FHIT: variants seen among roughly 807,000 people sequenced by gnomAD.
FHIT encodes the protein bis(5'-adenosyl)-triphosphatase.
Under a neutral mutation model 17.9 loss-of-function variants are expected in FHIT, and 19 were observed. The ratio of observed to expected loss-of-function variants is 1.06; its 90% confidence interval spans 0.74 to 1.56. The LOEUF is 1.56. Among genes scored for constraint, FHIT ranks in the 40% most tolerant of loss-of-function variants. The pLI, the probability that FHIT is intolerant of heterozygous loss-of-function variation, is 0.00. For synonymous variants in FHIT, 81 were observed against 69.7 expected, an observed-to-expected ratio of 1.16 and a Z score of -0.81; for missense variants, 248 against 189.2, an observed-to-expected ratio of 1.31 and a Z score of -1.82.
intron 8 of FHIT, among the ~76,000 whole-genome samples, chr3:59,916,318 G>A (rs189644514): frequency 1.3e-5 from 2 of 152,118 alleles, no homozygotes; most frequent in South Asian, 2.1e-4. Flanking sequence ...AGGGGCTCTC[G>A]GGCCTTCAGC....
chr3:60,827,474 A>G (rs536266227), intron 3 of FHIT, among the ~76,000 whole-genome samples: 68 of 152,238 alleles, frequency 4.5e-4, no homozygotes, highest in Non-Finnish European at 8.1e-4. Context: ...GAAAAGGAAT[A>G]TTATGAATAA....
rs538310983 is a variant in FHIT at position 60,373,133 on chromosome 3, C to G, written c.103+163727G>C. Among the ~76,000 whole-genome samples the G allele has an allele frequency of 1.6e-4, 25 of 152,290 alleles. No homozygotes were observed. In the South Asian group the frequency reaches 2.9e-3, roughly 18 times the overall value. On this transcript the variant is annotated intron_variant, in intron 5 of 9. Transcript: ENST00000492590. ...CACTGAGACCCTACCTTGCCTTCAA[C>G]AGCCTCTAGTTTAGCAGAGAAGGCA...
intron 5 of FHIT, among the ~76,000 whole-genome samples, chr3:60,029,031 T>C (rs545260544): frequency 6.6e-6 from 1 of 152,302 alleles, no homozygotes; most frequent in Admixed American, 6.5e-5. Flanking sequence ...TTCAAGAGAC[T>C]CTCAATAAGT....
intron 5 of FHIT, among the ~76,000 whole-genome samples, chr3:60,483,172 T>C (rs1442649408): frequency 1.3e-5 from 2 of 152,120 alleles, no homozygotes; most frequent in Non-Finnish European, 2.9e-5. Context: ...AGTTCTGAAA[T>C]TGAGGCAGTA....
intron 4 of FHIT, among the ~76,000 whole-genome samples, chr3:60,711,587 G>C (rs1275300728): frequency 1.3e-5 from 2 of 152,218 alleles, no homozygotes; most frequent in African/African-American, 4.8e-5. Flanking sequence ...TAAAGGAGCT[G>C]ATGGAGTTCA....
At chr3:60,157,771 A>T (rs994796560) in intron 5 of FHIT, among the ~76,000 whole-genome samples, 2 of 152,196 alleles carry the variant, frequency 1.3e-5, no homozygotes, top group African/African-American at 2.4e-5. Context: ...GGATGTTTGC[A>T]GCCACAGGAA....
intron 5 of FHIT, among the ~76,000 whole-genome samples, chr3:60,458,094 A>G (rs1185503586): frequency 2.0e-5 from 3 of 152,184 alleles, no homozygotes; most frequent in Non-Finnish European, 4.4e-5. Flanking sequence ...TATATACCCA[A>G]AGGATTATAA....
intron 5 of FHIT, among the ~76,000 whole-genome samples, chr3:60,197,303 TA>T (rs1007943221): frequency 8.4e-4 from 127 of 150,728 alleles, no homozygotes; most frequent in Non-Finnish European, 6.5e-4. Flanking sequence ...TTCATAGCAT[TA>T]AAAAAAAAGA....
rs148921317 is a variant in FHIT at position 61,013,684 on chromosome 3, G to A, written c.-111+28363C>T. On this transcript the variant is annotated intron_variant, in intron 3 of 9. Transcript: ENST00000492590. The stretch of plus-strand genomic sequence containing the variant: ...CCATCATGATATCAGAGAAGGAGGT[G>A]GATAATTTAAAGCAGCAAGGCCCTT... 1.6e-3 allele frequency among the ~76,000 whole-genome samples: 242 copies of A among 151,998 alleles called. 3 individuals carry two copies. The highest frequency in any genetic ancestry group is 5.4e-3 in the African/African-American group (223 of 41,494).
intron 2 of FHIT, among the ~76,000 whole-genome samples, chr3:61,190,793 A>G (rs1428290672): frequency 6.6e-6 from 1 of 152,164 alleles, no homozygotes; most frequent in African/African-American, 2.4e-5. Context: ...GACATGGATG[A>G]AGCTGGAAAC....
chr3:60,017,841 C>A (rs1187284689), intron 5 of FHIT, among the ~76,000 whole-genome samples: 3 of 152,192 alleles, frequency 2.0e-5, no homozygotes, highest in Non-Finnish European at 2.9e-5. Flanking sequence ...TCGCATTAGT[C>A]AGGTGCCTAG....
At chr3:59,847,067 G>A (rs1701749256) in intron 8 of FHIT, among the ~76,000 whole-genome samples, 1 of 152,024 alleles carries the variant, frequency 6.6e-6, no homozygotes, top group African/African-American at 2.4e-5. Context: ...AGTCTTTCAG[G>A]CTCACCCTAT....
intron 3 of FHIT, among the ~76,000 whole-genome samples, chr3:60,917,986 A>G (rs1010425350): frequency 1.3e-5 from 2 of 152,198 alleles, no homozygotes; most frequent in African/African-American, 4.8e-5. Flanking sequence ...TTGAATTGTA[A>G]CTCTTATAAT....
chr3:60,614,842 G>GTT (rs1340171852), intron 4 of FHIT, among the ~76,000 whole-genome samples: 1 of 59,538 alleles, frequency 1.7e-5, no homozygotes, highest in Non-Finnish European at 4.1e-5. Context: ...TTTTTTTTTT[G>GTT]TTTTTTGAGA....
intron 4 of FHIT, among the ~76,000 whole-genome samples, chr3:60,725,924 C>T (rs373446139): frequency 3.3e-5 from 5 of 152,008 alleles, no homozygotes; most frequent in South Asian, 2.1e-4. Flanking sequence ...GATATTAAGG[C>T]TCACTGATGT....
At chr3:60,891,646 C>A (rs2107177209) in intron 3 of FHIT, among the ~76,000 whole-genome samples, 1 of 152,206 alleles carries the variant, frequency 6.6e-6, no homozygotes, top group Admixed American at 6.5e-5. Flanking sequence ...TTCATCTAGG[C>A]TGTTTTGAGT....
intron 3 of FHIT, among the ~76,000 whole-genome samples, chr3:60,895,435 A>G (rs565973406): frequency 2.0e-5 from 3 of 152,266 alleles, no homozygotes; most frequent in East Asian, 3.9e-4. Flanking sequence ...TTAATAATGT[A>G]TGGGAAGACT....
At chr3:61,076,697 A>G (rs1428616883) in intron 2 of FHIT, among the ~76,000 whole-genome samples, 2 of 152,182 alleles carry the variant, frequency 1.3e-5, no homozygotes, top group African/African-American at 4.8e-5. Context: ...AGCTAGAAAT[A>G]TACAGAATAG....
chr3:59,838,746 A>T (rs2106738112), intron 8 of FHIT, among the ~76,000 whole-genome samples: 1 of 152,282 alleles, frequency 6.6e-6, no homozygotes, highest in South Asian at 2.1e-4. Context: ...CTCCAAAGGG[A>T]TAGCATGAAA....
Sources: allele counts gnomAD v4.1 joint callset (sites outside exome capture counted in the v4.1 genomes callset), GRCh38; gene constraint gnomAD v4.1.1; transcripts MANE v1.5; gene names NCBI Gene and HGNC (gene_info 2026-07-23, HGNC 2026-07-21).